RGS22: variants seen among roughly 807,000 people sequenced by gnomAD.
RGS22 encodes the protein regulator of G-protein signaling 22.
In RGS22, 148 loss-of-function variants were observed where a neutral mutation model predicts 172.9. That is an observed-to-expected ratio of 0.86 (90% CI 0.75 to 0.98). RGS22 has a LOEUF of 0.98. RGS22 is among the 50% of genes least tolerant of loss of function. The probability of loss-of-function intolerance (pLI) is 0.00; values close to 1 mark genes in which losing one functional copy is unlikely to be tolerated. For synonymous variants in RGS22, 458 were observed against 480.2 expected (o/e 0.95, Z 0.60); for missense variants, 1,347 against 1,440.8 (o/e 0.93, Z 1.05).
At chr8:99,992,354 G>A (rs1439050689) in intron 20 of RGS22, among the ~76,000 whole-genome samples, 1 of 152,144 alleles carries the variant, frequency 6.6e-6, no homozygotes, top group Non-Finnish European at 1.5e-5. Context: ...CCATCAGTGT[G>A]CTGTATTCAG....
chr8:100,014,419 A>T (rs1305155105), intron 14 of RGS22, among the ~76,000 whole-genome samples: 1 of 152,134 alleles, frequency 6.6e-6, no homozygotes, highest in Non-Finnish European at 1.5e-5. Flanking sequence ...AAGTCTCCAT[A>T]GTCACTCCTC....
intron 9 of RGS22, among the ~76,000 whole-genome samples, chr8:100,058,679 GA>G (rs1245373562): frequency 3.3e-5 from 5 of 152,078 alleles, no homozygotes; most frequent in African/African-American, 1.2e-4. Flanking sequence ...GAGAAATAAA[GA>G]CTTTCCCAGA....
intron 2 of RGS22, among the ~76,000 whole-genome samples, chr8:100,094,992 A>G (rs1013120836): frequency 2.0e-5 from 3 of 152,214 alleles, no homozygotes; most frequent in African/African-American, 7.2e-5. Flanking sequence ...TTTCTAAAGT[A>G]TACATTTCAT....
intron 23 of RGS22, among the ~76,000 whole-genome samples, chr8:99,971,396 G>T (rs1247813128): frequency 6.6e-6 from 1 of 152,134 alleles, no homozygotes; most frequent in Non-Finnish European, 1.5e-5. Context: ...GCAAGAGAAA[G>T]AAATAAAGGG....
chr8:100,096,769 G>A (rs756795211), intron 2 of RGS22, among the ~76,000 whole-genome samples: 117 of 148,540 alleles, frequency 7.9e-4, no homozygotes, highest in Middle Eastern at 3.5e-3. Flanking sequence ...TAGACCTCCC[G>A]AAGTGCTGGG....
intron 14 of RGS22, among the ~76,000 whole-genome samples, chr8:100,036,868 G>A (rs570712089): frequency 6.6e-6 from 1 of 152,124 alleles, no homozygotes; most frequent in East Asian, 1.9e-4. Flanking sequence ...CAAAGTACTG[G>A]GATTACAGGC....
chr8:100,051,089 T>G (rs1383896407), intron 10 of RGS22, among the ~76,000 whole-genome samples: 1 of 151,652 alleles, frequency 6.6e-6, no homozygotes, highest in Non-Finnish European at 1.5e-5. Context: ...CCTCTCTGAT[T>G]AAGTGGCACT....
At chr8:100,001,205 TATATATATATATATAC>T (rs1815026281) in intron 18 of RGS22, among the ~76,000 whole-genome samples, 1 of 132,426 alleles carries the variant, frequency 7.6e-6, no homozygotes, top group Non-Finnish European at 1.6e-5. Flanking sequence ...CAATTTTTTA[TATATATATATATATAC>T]ATATATATAT....
chr8:99,994,354 A>G (rs906657764), intron 20 of RGS22, among the ~76,000 whole-genome samples: 2 of 152,206 alleles, frequency 1.3e-5, no homozygotes, highest in Non-Finnish European at 2.9e-5. Context: ...ATGATTGTAT[A>G]TTTAGAAAAC....
intron 19 of RGS22, among the ~76,000 whole-genome samples, 175 bp from the exon 20 acceptor site, chr8:99,996,705 T>C (rs543401704): frequency 6.6e-6 from 1 of 152,258 alleles, no homozygotes; most frequent in South Asian, 2.1e-4. Context: ...GTACCAAATT[T>C]TTCTGAACAC....
intron 22 of RGS22, among the ~76,000 whole-genome samples, chr8:99,980,270 C>G (rs1455618326): frequency 6.6e-6 from 1 of 152,044 alleles, no homozygotes; most frequent in Non-Finnish European, 1.5e-5. Flanking sequence ...GTGACATGAT[C>G]AGATATACAT....
rs548814056 is a variant in RGS22 at position 100,102,274 on chromosome 8, G to A, written c.54+3100C>T. Among the ~76,000 whole-genome samples the A allele has an allele frequency of 4.6e-5, 7 of 152,238 alleles. No homozygotes were observed. In the South Asian group the frequency reaches 1.2e-3, roughly 27 times the overall value. ...AGGACACAACACTTCTGCCTACATC[G>A]TATTGGCCAGAATTTGGTTCTGTGA... On this transcript the variant is annotated intron_variant, in intron 2 of 27. Coordinates refer to ENST00000360863, the MANE Select transcript of RGS22 (RefSeq NM_015668.5).
chr8:100,096,664 A>T (rs1314280454), intron 2 of RGS22, among the ~76,000 whole-genome samples: 2 of 121,750 alleles, frequency 1.6e-5, no homozygotes, highest in African/African-American at 3.6e-5. Context: ...TAGCTAATTT[A>T]AAAAAAATTT....
intron 22 of RGS22, among the ~76,000 whole-genome samples, chr8:99,978,751 A>C (rs1252061747): frequency 6.6e-6 from 1 of 152,228 alleles, no homozygotes; most frequent in Non-Finnish European, 1.5e-5. Flanking sequence ...TTTTTCCATT[A>C]GTTCCAGAGG....
chr8:99,967,123 C>T lies in RGS22; in HGVS notation c.3520-1693G>A, dbSNP rs571549082. ...GCCTCACGCAGGAAGTGCAAGGGGTCGGGGAACTCCCTCCCCTAGCCAAGG... is the reference window on the plus strand; with the variant it reads ...GCCTCACGCAGGAAGTGCAAGGGGTTGGGGAACTCCCTCCCCTAGCCAAGG... On this transcript the variant is annotated intron_variant, in intron 23 of 27. Transcript: ENST00000360863. 5.2e-3 allele frequency among the ~76,000 whole-genome samples: 786 copies of T among 152,230 alleles called. 2 individuals are homozygous for T. Among genetic ancestry groups the T allele is most frequent in the Non-Finnish European group, 6.2e-3 (420 of 67,992 alleles).
chr8:99,966,549 C>T (rs1016240115), intron 23 of RGS22, among the ~76,000 whole-genome samples: 1 of 151,578 alleles, frequency 6.6e-6, no homozygotes, highest in African/African-American at 2.4e-5. Context: ...TCAATTAATA[C>T]AAATCTTTAA....
At chr8:100,068,934 CAAA>C (rs11313965) in intron 6 of RGS22, among the ~76,000 whole-genome samples, 24 of 120,606 alleles carry the variant, frequency 2.0e-4, no homozygotes, top group Middle Eastern at 3.9e-3. Context: ...GACCCTGTCT[CAAA>C]AAAAAAAAAA....
chr8:100,013,938 C>A lies in RGS22; in HGVS notation c.2167-5369G>T, dbSNP rs1363762187. ...TAATGACTGACTCCATTATAGACTT[C>A]AAAAAAAACTTAGCTGCAATCAAAA... On this transcript the variant is annotated intron_variant, in intron 14 of 27. Coordinates refer to ENST00000360863, the MANE Select transcript of RGS22 (RefSeq NM_015668.5). Among the ~76,000 whole-genome samples the A allele has an allele frequency of 2.6e-5, 4 of 152,036 alleles. No homozygotes were observed. In the East Asian group the frequency reaches 7.7e-4, roughly 29 times the overall value.
intron 10 of RGS22, among the ~76,000 whole-genome samples, chr8:100,052,089 TTATATATTTATATATAAATGTTTA>T (rs1388530268): frequency 8.2e-5 from 5 of 61,268 alleles, no homozygotes; most frequent in Non-Finnish European, 1.5e-4. Flanking sequence ...TTATATATAT[TTATATATTTATATATAAATGTTTA>T]TATATATTTA....
Sources: gnomAD v4.1 joint callset for allele counts (sites outside exome capture counted in the v4.1 genomes callset) on GRCh38, gnomAD v4.1.1 for gene constraint, MANE v1.5 for transcripts, NCBI Gene and HGNC (gene_info 2026-07-23, HGNC 2026-07-21) for gene names.